FABP12: variants seen among roughly 807,000 people sequenced by gnomAD.
The protein encoded by FABP12 is fatty acid binding protein 12, also known as fatty acid-binding protein 12.
In FABP12, 19 loss-of-function variants were observed where a neutral mutation model predicts 13.7. The ratio of observed to expected loss-of-function variants is 1.39; its 90% CI spans 0.97 to 2.04. FABP12 has a LOEUF of 2.04. FABP12 is among the 30% of genes most tolerant of loss of function. FABP12 has a pLI of 0.00. For synonymous variants in FABP12, 61 were observed against 57.0 expected, an observed-to-expected ratio of 1.07 and a Z score of -0.32; for missense variants, 182 against 164.2, an observed-to-expected ratio of 1.11 and a Z score of -0.59.
intron 1 of FABP12, among the ~76,000 whole-genome samples, chr8:81,569,962 T>C (rs141338071): frequency 1.7e-3 from 252 of 152,238 alleles, no homozygotes; most frequent in Non-Finnish European, 2.7e-3. Context: ...GAATCCCAAG[T>C]CTCCAAGATA....
chr8:81,562,571 C>T (rs1334990301), intron 1 of FABP12, among the ~76,000 whole-genome samples: 1 of 152,104 alleles, frequency 6.6e-6, no homozygotes, highest in East Asian at 1.9e-4. Flanking sequence ...CCACATCTGG[C>T]ATTTACCACA....
chr8:81,566,325 G>T (rs976658481), intron 1 of FABP12, among the ~76,000 whole-genome samples: 12 of 151,952 alleles, frequency 7.9e-5, no homozygotes, highest in Non-Finnish European at 1.3e-4. Flanking sequence ...TACAAAGCCA[G>T]TATTACCCCA....
intron 1 of FABP12, among the ~76,000 whole-genome samples, chr8:81,585,354 G>A (rs914241282): frequency 3.9e-5 from 6 of 152,072 alleles, no homozygotes; most frequent in Non-Finnish European, 7.4e-5. Flanking sequence ...TTTCCCTATT[G>A]TATGTTCTTA....
intron 1 of FABP12, among the ~76,000 whole-genome samples, chr8:81,569,844 C>G (rs1301646561): frequency 6.6e-6 from 1 of 152,152 alleles, no homozygotes; most frequent in Non-Finnish European, 1.5e-5. Context: ...GCTTTTCTGG[C>G]CAGAAACCTG....
At chr8:81,576,987 G>C (rs1472021633) in intron 1 of FABP12, among the ~76,000 whole-genome samples, 2 of 152,202 alleles carry the variant, frequency 1.3e-5, no homozygotes, top group Non-Finnish European at 2.9e-5. Context: ...CACCTCAATA[G>C]AACCAGGAAG....
At chr8:81,531,377 A>T in exon 2 of FABP12, 1 of 1,163,844 alleles carries the variant, frequency 8.6e-7, no homozygotes. Flanking sequence ...GTTTTCCCTG[A>T]AGTAGTATGG....
At chr8:81,581,623 A>G (rs1362988586) in intron 1 of FABP12, among the ~76,000 whole-genome samples, 1 of 152,228 alleles carries the variant, frequency 6.6e-6, no homozygotes, top group African/African-American at 2.4e-5. Flanking sequence ...TCAGATTAAC[A>G]GTGGATTTCT....
chr8:81,525,441 G>A (rs968777824), intron 4 of FABP12, among the ~76,000 whole-genome samples: 3 of 151,862 alleles, frequency 2.0e-5, no homozygotes, highest in Admixed American at 6.6e-5. Flanking sequence ...ACTTGAACCT[G>A]GGAGGTGGAT....
intron 1 of FABP12, among the ~76,000 whole-genome samples, chr8:81,589,271 A>G (rs533938860): frequency 6.6e-6 from 1 of 152,314 alleles, no homozygotes; most frequent in East Asian, 1.9e-4. Flanking sequence ...TTAAAACAAA[A>G]CAAGCCCTGG....
At chr8:81,587,729 C>T (rs971273982) in intron 1 of FABP12, among the ~76,000 whole-genome samples, 2 of 151,786 alleles carry the variant, frequency 1.3e-5, no homozygotes, top group African/African-American at 4.8e-5. Flanking sequence ...GATCTAGGAG[C>T]CTGTATTAGT....
intron 1 of FABP12, among the ~76,000 whole-genome samples, chr8:81,575,110 A>C (rs1044071383): frequency 4.6e-5 from 7 of 152,104 alleles, no homozygotes; most frequent in African/African-American, 1.7e-4. Flanking sequence ...CTTTCATCTT[A>C]GCACTGCCTT....
intron 1 of FABP12, among the ~76,000 whole-genome samples, chr8:81,550,631 G>T (rs1442804641): frequency 6.6e-6 from 1 of 152,126 alleles, no homozygotes; most frequent in Non-Finnish European, 1.5e-5. Flanking sequence ...TAAAGTAGGG[G>T]AATAAGGAAG....
chr8:81,534,158 A>G (rs1809163623), upstream of FABP12, among the ~76,000 whole-genome samples: 1 of 151,846 alleles, frequency 6.6e-6, no homozygotes, highest in South Asian at 2.1e-4. Flanking sequence ...TATATTGCAT[A>G]TTTTCCTCTC....
chr8:81,547,428 A>C (rs966514168), intron 1 of FABP12, among the ~76,000 whole-genome samples: 5 of 152,222 alleles, frequency 3.3e-5, no homozygotes, highest in African/African-American at 1.2e-4. Flanking sequence ...AAATGAGTTC[A>C]TTTGATCACG....
chr8:81,554,105 T>C (rs1025969987), intron 1 of FABP12, among the ~76,000 whole-genome samples: 2 of 152,202 alleles, frequency 1.3e-5, no homozygotes, highest in East Asian at 1.9e-4. Flanking sequence ...CAGTAATATA[T>C]GCATATAATG....
exon 5 of FABP12, chr8:81,525,027 A>G (rs779418749): frequency 2.3e-5 from 35 of 1,553,812 alleles, no homozygotes; most frequent in Middle Eastern, 1.7e-4. Context: ...AGTAGTTTGG[A>G]TGACAGCTTG....
At chr8:81,566,709 A>G (rs1464258105) in intron 1 of FABP12, among the ~76,000 whole-genome samples, 3 of 152,282 alleles carry the variant, frequency 2.0e-5, no homozygotes, top group African/African-American at 7.2e-5. Context: ...ATCATACTGA[A>G]TGGGAAAAAA....
chr8:81,563,219 C>T (rs1037942159), intron 1 of FABP12, among the ~76,000 whole-genome samples: 2 of 152,220 alleles, frequency 1.3e-5, no homozygotes. Context: ...CATTACTGGG[C>T]TTGTGATACC....
intron 1 of FABP12, among the ~76,000 whole-genome samples, chr8:81,588,517 AC>A (rs1476666778): frequency 6.6e-6 from 1 of 152,194 alleles, no homozygotes; most frequent in Non-Finnish European, 1.5e-5. Flanking sequence ...CTGCAACTTT[AC>A]TGAATTTATT....
Sources: gnomAD v4.1 joint callset for allele counts (sites outside exome capture counted in the v4.1 genomes callset) on GRCh38, gnomAD v4.1.1 for gene constraint, MANE v1.5 for transcripts, NCBI Gene and HGNC (gene_info 2026-07-23, HGNC 2026-07-21) for gene names.